The following NXPH1 variants were observed in gnomAD, a reference collection of about 807,000 sequenced individuals.
NXPH1 encodes the protein neurexophilin 1, also known as neurexophilin-1.
In NXPH1, 5 loss-of-function variants were observed where a neutral mutation model predicts 23.7. The observed-to-expected ratio is 0.21, with a 90% CI of 0.11 to 0.44. The LOEUF (loss-of-function observed/expected upper bound fraction) is 0.44. Ranked by LOEUF, NXPH1 falls within the 20% of genes least tolerant of loss-of-function variation. The pLI is 0.99. For missense variants in NXPH1, 324 were observed against 321.6 expected, an observed-to-expected ratio of 1.01 and a Z score of -0.06; for synonymous variants, 144 against 122.2, an observed-to-expected ratio of 1.18 and a Z score of -1.18.
chr7:8,557,389 T>G lies in NXPH1; in HGVS notation c.54+121622T>G, dbSNP rs1488271059. On this transcript the variant is annotated intron_variant, in intron 2 of 2. Coordinates refer to ENST00000405863, the MANE Select transcript of NXPH1 (RefSeq NM_152745.3). ...CAATCAACACCTTCCTTTAAAACATTCAGAAGGAGGCTTCCATGGTATACT... is the reference window on the plus strand; with the variant it reads ...CAATCAACACCTTCCTTTAAAACATGCAGAAGGAGGCTTCCATGGTATACT... Among the ~76,000 whole-genome samples the G allele has an allele frequency of 4.6e-5, 7 of 151,816 alleles. No homozygotes were observed. The East Asian group carries it at 1.4e-3, about 30-fold the overall frequency.
intron 2 of NXPH1, among the ~76,000 whole-genome samples, chr7:8,503,090 C>G (rs988613469): frequency 6.6e-6 from 1 of 152,034 alleles, no homozygotes; most frequent in East Asian, 1.9e-4. Context: ...CTTACACCAG[C>G]TGGCAAAGAG....
intron 2 of NXPH1, among the ~76,000 whole-genome samples, chr7:8,746,409 C>G (rs183800751): frequency 4.3e-4 from 65 of 152,314 alleles, no homozygotes; most frequent in Non-Finnish European, 8.2e-4. Context: ...ACTGTCAGCA[C>G]CACTTGAAGC....
intron 2 of NXPH1, among the ~76,000 whole-genome samples, chr7:8,446,886 A>G (rs1313099012): frequency 2.0e-5 from 3 of 149,516 alleles, no homozygotes; most frequent in Non-Finnish European, 4.4e-5. Context: ...TTTCATTCCA[A>G]TGATAACTAG....
At position 8,433,721 on chromosome 7, in the gene NXPH1, C is replaced by T. The variant is rs376675579; in HGVS notation, c.-1145C>T. On this transcript the variant is annotated 5_prime_UTR_variant, in exon 1 of 3. Coordinates refer to ENST00000405863, the MANE Select transcript of NXPH1 (RefSeq NM_152745.3). The surrounding 1 kb of genome is among the most constrained non-coding windows in gnomAD (Gnocchi z 6.8). ...CGTCGGCGCTCGAGGCCGGCAGGGG[C>T]GCCCTGCACCCTCCCGCGCCCTTCC... Among the ~76,000 whole-genome samples, 1 of 151,982 alleles carries T rather than the reference C, an allele frequency of 6.6e-6. No individual in the cohort carries two copies. Among genetic ancestry groups the T allele is most frequent in the South Asian group, 2.1e-4 (1 of 4,824 alleles).
chr7:8,637,108 T>A (rs931539050), intron 2 of NXPH1, among the ~76,000 whole-genome samples: 1 of 152,186 alleles, frequency 6.6e-6, no homozygotes, highest in East Asian at 1.9e-4. Flanking sequence ...AGACATGTGG[T>A]CAGCCTTTAC....
chr7:8,615,412 G>A (rs1334852763), intron 2 of NXPH1, among the ~76,000 whole-genome samples: 2 of 151,930 alleles, frequency 1.3e-5, no homozygotes, highest in African/African-American at 2.4e-5. Context: ...GATTCGATGG[G>A]ATAATTTAAA....
intron 2 of NXPH1, among the ~76,000 whole-genome samples, chr7:8,542,321 T>C (rs1818130278): frequency 6.6e-6 from 1 of 151,532 alleles, no homozygotes; most frequent in African/African-American, 2.4e-5. Context: ...ATTTCAGAGC[T>C]TCAAAATACA....
chr7:8,643,299 AT>A, intron 2 of NXPH1, among the ~76,000 whole-genome samples: 1 of 152,154 alleles, frequency 6.6e-6, no homozygotes, highest in Non-Finnish European at 1.5e-5. Context: ...GTACATATAT[AT>A]TCTTATACAT....
chr7:8,505,003 C>T (rs183307401), intron 2 of NXPH1, among the ~76,000 whole-genome samples: 3 of 152,114 alleles, frequency 2.0e-5, no homozygotes, highest in Non-Finnish European at 2.9e-5. Flanking sequence ...AGTTTGAATG[C>T]CCTGCTAGCT....
intron 2 of NXPH1, among the ~76,000 whole-genome samples, chr7:8,636,777 G>A (rs940306546): frequency 1.3e-5 from 2 of 152,202 alleles, no homozygotes; most frequent in South Asian, 4.1e-4. Context: ...CAAATTACCT[G>A]TTTGGGTTTC....
intron 2 of NXPH1, among the ~76,000 whole-genome samples, chr7:8,719,359 T>C (rs759047935): frequency 4.6e-5 from 7 of 152,164 alleles, no homozygotes; most frequent in Non-Finnish European, 1.0e-4. Flanking sequence ...ATTGACATAA[T>C]AGAAAGTAAA....
intron 2 of NXPH1, among the ~76,000 whole-genome samples, chr7:8,507,998 T>C (rs1344495030): frequency 6.6e-6 from 1 of 152,128 alleles, no homozygotes; most frequent in Non-Finnish European, 1.5e-5. Flanking sequence ...AGAATCTTTA[T>C]GCTTTGTCAA....
At chr7:8,513,955 T>C (rs1817651495) in intron 2 of NXPH1, among the ~76,000 whole-genome samples, 1 of 152,108 alleles carries the variant, frequency 6.6e-6, no homozygotes, top group South Asian at 2.1e-4. Context: ...AAGGATCTGC[T>C]CCAGGCCTCT....
intron 2 of NXPH1, among the ~76,000 whole-genome samples, chr7:8,534,949 A>G (rs970055141): frequency 4.6e-5 from 7 of 152,120 alleles, no homozygotes; most frequent in African/African-American, 1.4e-4. Flanking sequence ...ATGAAACATG[A>G]AAGAAAATAA....
intron 2 of NXPH1, among the ~76,000 whole-genome samples, chr7:8,511,510 C>T (rs969586375): frequency 6.6e-6 from 1 of 152,108 alleles, no homozygotes; most frequent in Non-Finnish European, 1.5e-5. Flanking sequence ...GACTGACCCT[C>T]ATTCAACTAG....
At chr7:8,495,524 G>A (rs1026585776) in intron 2 of NXPH1, among the ~76,000 whole-genome samples, 3 of 151,934 alleles carry the variant, frequency 2.0e-5, no homozygotes, top group Non-Finnish European at 4.4e-5. Flanking sequence ...TGACTTCATA[G>A]AGAATATGAC....
chr7:8,732,015 C>A (rs768343707), intron 2 of NXPH1, among the ~76,000 whole-genome samples: 2 of 152,246 alleles, frequency 1.3e-5, no homozygotes, highest in African/African-American at 2.4e-5. Flanking sequence ...TAGGACCCTC[C>A]GAGCCAGGTG....
chr7:8,739,560 C>G (rs1471536793), intron 2 of NXPH1, among the ~76,000 whole-genome samples: 1 of 152,132 alleles, frequency 6.6e-6, no homozygotes, highest in Non-Finnish European at 1.5e-5. Context: ...ATTGATCTTG[C>G]TGGGAGCTGC....
intron 2 of NXPH1, among the ~76,000 whole-genome samples, chr7:8,564,944 C>G (rs968404518): frequency 2.0e-5 from 3 of 151,724 alleles, no homozygotes; most frequent in Non-Finnish European, 4.4e-5. Flanking sequence ...ATCTTTTTCT[C>G]TTATTTGCTG....
Sources: gnomAD v4.1 joint callset for allele counts (sites outside exome capture counted in the v4.1 genomes callset) on GRCh38, gnomAD v4.1.1 for gene constraint, Gnocchi (gnomAD v3.1) non-coding constraint, MANE v1.5 for transcripts, NCBI Gene and HGNC (gene_info 2026-07-23, HGNC 2026-07-21) for gene names.